NTM: variants seen among roughly 807,000 people sequenced by gnomAD.
The protein encoded by NTM is IgLON family member 2.
In NTM, 13 loss-of-function variants were observed where a neutral mutation model predicts 42.1. The ratio of observed to expected loss-of-function variants is 0.31; its 90% CI spans 0.20 to 0.49. The LOEUF is 0.49. NTM is among the 20% of genes least tolerant of loss of function. NTM has a pLI of 0.99. For synonymous variants in NTM, 187 were observed against 179.2 expected (o/e 1.04, Z -0.35); for missense variants, 373 against 452.8 (o/e 0.82, Z 1.60).
At chr11:131,680,606 T>C (rs12285342) in intron 1 of NTM, among the ~76,000 whole-genome samples, 1 of 33,454 alleles carries the variant, frequency 3.0e-5, no homozygotes, top group African/African-American at 6.7e-5. Context: ...AGATCATGCC[T>C]GTGTCTGTGT....
chr11:131,533,047 G>T (rs2051536605), intron 1 of NTM, among the ~76,000 whole-genome samples: 1 of 152,052 alleles, frequency 6.6e-6, no homozygotes, highest in African/African-American at 2.4e-5. Context: ...GCTCTGCCTT[G>T]CTGAGATGTG....
chr11:132,008,433 A>G (rs921419633), intron 2 of NTM, among the ~76,000 whole-genome samples: 1 of 152,068 alleles, frequency 6.6e-6, no homozygotes, highest in African/African-American at 2.4e-5. Context: ...AAAACTATCA[A>G]TATTGCTGAC....
intron 2 of NTM, among the ~76,000 whole-genome samples, chr11:131,934,932 G>A (rs1427391299): frequency 6.6e-6 from 1 of 152,196 alleles, no homozygotes; most frequent in Non-Finnish European, 1.5e-5. Flanking sequence ...CAATGGAGCA[G>A]TGACATGCTC....
intron 1 of NTM, among the ~76,000 whole-genome samples, chr11:131,908,036 C>T (rs75200523): frequency 0.018 from 2,737 of 152,280 alleles, 84 homozygotes; most frequent in African/African-American, 0.057. Context: ...TGGATCCCTG[C>T]GCCCACGAAG....
chr11:131,939,720 A>G (rs933880641), intron 2 of NTM, among the ~76,000 whole-genome samples: 3 of 152,150 alleles, frequency 2.0e-5, no homozygotes, highest in African/African-American at 7.2e-5. Flanking sequence ...CTGGTTACAT[A>G]TTTTTATGAA....
chr11:131,384,644 G>T (rs1362899754), intron 1 of NTM, among the ~76,000 whole-genome samples: 1 of 152,186 alleles, frequency 6.6e-6, no homozygotes, highest in Non-Finnish European at 1.5e-5. Context: ...TGGCTGGCCA[G>T]GTGAGGCCCT....
In NTM at chr11:132,019,149, A is replaced by AT. The variant is rs530484583; in HGVS notation, c.167+107508dup. 1.3e-3 allele frequency among the ~76,000 whole-genome samples: 195 copies of AT among 150,060 alleles called. 2 individuals are homozygous for AT. Among genetic ancestry groups the AT allele is most frequent in the African/African-American group, 3.8e-3 (154 of 40,802 alleles). ...CTTCTTGTTTTATTGACTTTCCCTA[A>AT]TTTTTTTGTTTTTTTTCATTCTCTT... On this transcript the variant is annotated intron_variant, in intron 2 of 8. Transcript: ENST00000683400.
intron 1 of NTM, among the ~76,000 whole-genome samples, chr11:131,736,355 G>C (rs181346620): frequency 2.8e-4 from 43 of 152,220 alleles, no homozygotes; most frequent in Admixed American, 5.9e-4. Context: ...AACCCTCCAG[G>C]CTTCTTCTAC....
intron 1 of NTM, among the ~76,000 whole-genome samples, chr11:131,802,484 A>T (rs1163556025): frequency 6.6e-6 from 1 of 152,142 alleles, no homozygotes; most frequent in Non-Finnish European, 1.5e-5. Context: ...CATGCCACCC[A>T]TCCCCATGAG....
At chr11:132,240,977 T>A (rs1315143087) in intron 4 of NTM, among the ~76,000 whole-genome samples, 3 of 152,226 alleles carry the variant, frequency 2.0e-5, no homozygotes, top group African/African-American at 7.2e-5. Flanking sequence ...CCTGACTTCA[T>A]GTGAGAGGTC....
intron 1 of NTM, among the ~76,000 whole-genome samples, chr11:131,659,707 G>A (rs2067702113): frequency 6.6e-6 from 1 of 152,120 alleles, no homozygotes; most frequent in South Asian, 2.1e-4. Flanking sequence ...AATGTGATCG[G>A]GATGCAATAT....
At chr11:131,577,890 G>A (rs1254432049) in intron 1 of NTM, among the ~76,000 whole-genome samples, 2 of 152,184 alleles carry the variant, frequency 1.3e-5, no homozygotes, top group African/African-American at 4.8e-5. Flanking sequence ...TGGTATTTCA[G>A]GAAGGCATTT....
intron 4 of NTM, among the ~76,000 whole-genome samples, chr11:132,305,533 C>T (rs1372311967): frequency 6.6e-6 from 1 of 152,156 alleles, no homozygotes; most frequent in Non-Finnish European, 1.5e-5. Context: ...CACATATGTA[C>T]CAAGGACTAC....
chr11:131,632,643 C>T (rs1475724143), intron 1 of NTM, among the ~76,000 whole-genome samples: 1 of 137,174 alleles, frequency 7.3e-6, no homozygotes, highest in Non-Finnish European at 1.6e-5. Context: ...TGCCATAGCA[C>T]TACTTTTCAT....
chr11:131,630,910 T>A (rs901167965), intron 1 of NTM, among the ~76,000 whole-genome samples: 1 of 152,242 alleles, frequency 6.6e-6, no homozygotes, highest in African/African-American at 2.4e-5. Context: ...CTTTGTGATA[T>A]TATTCTTGGA....
chr11:131,789,322 A>T (rs1031368959), intron 1 of NTM, among the ~76,000 whole-genome samples: 2 of 146,592 alleles, frequency 1.4e-5, no homozygotes, highest in Non-Finnish European at 3.0e-5. Flanking sequence ...TGAAATAGAG[A>T]TGCTGAAGAT....
At chr11:131,794,938 G>T (rs938534541) in intron 1 of NTM, 13 of 985,154 alleles carry the variant, frequency 1.3e-5, no homozygotes, top group Middle Eastern at 5.2e-4. Flanking sequence ...GGAGTTAGGG[G>T]AACCTGAACC....
intron 3 of NTM, among the ~76,000 whole-genome samples, chr11:132,162,201 G>T (rs1389701016): frequency 1.3e-5 from 2 of 150,624 alleles, no homozygotes; most frequent in African/African-American, 4.9e-5. Flanking sequence ...GTGTATGTGG[G>T]GGAAGATGTG....
chr11:132,213,564 T>A (rs1200525935), intron 4 of NTM, among the ~76,000 whole-genome samples: 1 of 151,980 alleles, frequency 6.6e-6, no homozygotes, highest in Non-Finnish European at 1.5e-5. Context: ...CATGACAGTG[T>A]CCACTATACT....
Sources: allele counts gnomAD v4.1 joint callset (sites outside exome capture counted in the v4.1 genomes callset), GRCh38; gene constraint gnomAD v4.1.1; transcripts MANE v1.5; gene names NCBI Gene and HGNC (gene_info 2026-07-23, HGNC 2026-07-21).